The following INTS6 variants were observed in gnomAD, a reference collection of about 807,000 sequenced individuals.
The protein encoded by INTS6 is integrator complex subunit 6.
A neutral mutation model predicts 104.9 loss-of-function variants in INTS6; 16 were observed. The observed-to-expected ratio is 0.15, with a 90% CI of 0.10 to 0.23. INTS6 has a LOEUF of 0.23. INTS6 is among the 10% of genes least tolerant of loss of function. The pLI, the probability that INTS6 is intolerant of heterozygous loss-of-function variation, is 1.00. For missense variants in INTS6, 584 were observed against 1,062.8 expected, an observed-to-expected ratio of 0.55 and a Z score of 6.26; for synonymous variants, 324 against 358.7, an observed-to-expected ratio of 0.90 and a Z score of 1.09.
chr13:51,342,950 G>A, the INTS6 span, among the ~76,000 whole-genome samples: 14 of 152,254 alleles, frequency 9.2e-5, no homozygotes, highest in African/African-American at 3.4e-4. Context: ...GGATTCTCAG[G>A]AGCAGCTTCG....
intron 4 of INTS6, among the ~76,000 whole-genome samples, chr13:51,413,018 A>T (rs1421168166): frequency 1.3e-5 from 2 of 152,210 alleles, no homozygotes; most frequent in African/African-American, 4.8e-5. Context: ...AATTTTATTC[A>T]GGGTCTGAAC....
At chr13:51,415,865 C>T (rs61956951) in intron 4 of INTS6, among the ~76,000 whole-genome samples, 3,608 of 152,086 alleles carry the variant, frequency 0.024, 60 homozygotes, top group South Asian at 0.059. Flanking sequence ...TGTCAGTAAA[C>T]GTGTAAGAAA....
rs1953069550 is a variant in INTS6, at chr13:51,452,097, A to C, written c.112-42T>G. 7 of 1,580,334 alleles carry C rather than the reference A, an allele frequency of 4.4e-6. No individual in the cohort carries two copies. Among genetic ancestry groups the C allele is most frequent in the Non-Finnish European group, 6.1e-6 (7 of 1,154,758 alleles). On this transcript the variant is annotated intron_variant, in intron 1 of 17. Coordinates refer to ENST00000311234, the MANE Select transcript of INTS6 (RefSeq NM_012141.3). The surrounding 1 kb of genome is among the most constrained non-coding windows in gnomAD (Gnocchi z 4.2). Reference sequence around the variant, plus strand: ...GGAACAGGGCGGGCGACAGGGAAGCACAGAGGCGAGGTTACGAGGCGGAGA... The same window carrying C: ...GGAACAGGGCGGGCGACAGGGAAGCCCAGAGGCGAGGTTACGAGGCGGAGA...
chr13:51,361,731 TTAAC>T lies in INTS6; in HGVS notation c.*4017_*4020del, dbSNP rs1431711627. 6 of 1,281,912 alleles carry T rather than the reference TTAAC, an allele frequency of 4.7e-6. No individual in the cohort carries two copies. In the East Asian group the frequency reaches 1.2e-4, roughly 26 times the overall value. 79.4% of individuals were successfully genotyped at this position (1,281,912 alleles called of 1,614,324 possible). ...TAGGATGCTTTGATTTCTTAAAAAA[TTAAC>T]TTACTTCATAACCAATAGTTATTTT... On this transcript the variant is annotated 3_prime_UTR_variant, in exon 18 of 18. Coordinates refer to ENST00000311234, the MANE Select transcript of INTS6 (RefSeq NM_012141.3).
intron 6 of INTS6, 39 bp downstream of exon 6, chr13:51,389,280 A>G (rs1956202933): frequency 6.3e-7 from 1 of 1,598,382 alleles, no homozygotes; most frequent in Non-Finnish European, 8.5e-7. Flanking sequence ...TAAACAATAA[A>G]GCAAGTTTTG....
At chr13:51,353,568 T>A (rs1338472090), downstream of INTS6, among the ~76,000 whole-genome samples, 1 of 152,210 alleles carries the variant, frequency 6.6e-6, no homozygotes, top group Non-Finnish European at 1.5e-5. Flanking sequence ...AACCACTGTT[T>A]CAGCATTTAG....
chr13:51,376,330 C>T (rs936845989), intron 12 of INTS6, among the ~76,000 whole-genome samples, 156 bp from the exon 13 acceptor site: 2 of 151,982 alleles, frequency 1.3e-5, no homozygotes, highest in Non-Finnish European at 1.5e-5. Context: ...CTTAATGTAC[C>T]GGTTCAGGGC....
Position 51,376,699 on chromosome 13 carries a change from T to C in INTS6, c.1603-525A>G, listed in dbSNP as rs193063729. On this transcript the variant is annotated intron_variant, in intron 12 of 17. Transcript: ENST00000311234. ...TTCTTTCTATGCTCCATTTTATAAATGGAATTTTGCAACGTCTAATCTTTT... is the reference window on the plus strand; with the variant it reads ...TTCTTTCTATGCTCCATTTTATAAACGGAATTTTGCAACGTCTAATCTTTT... 4.6e-5 allele frequency among the ~76,000 whole-genome samples: 7 copies of C among 152,316 alleles called. No individual in the cohort carries two copies. In the East Asian group the frequency reaches 7.7e-4, roughly 17 times the overall value.
At chr13:51,433,688 G>C (rs1294105940) in intron 3 of INTS6, among the ~76,000 whole-genome samples, 2 of 152,170 alleles carry the variant, frequency 1.3e-5, no homozygotes, top group Non-Finnish European at 2.9e-5. Context: ...CAGAAAGTCT[G>C]AGTTATTAAA....
chr13:51,404,685 A>G (rs1230004675), intron 4 of INTS6, among the ~76,000 whole-genome samples: 2 of 152,192 alleles, frequency 1.3e-5, no homozygotes, highest in East Asian at 3.8e-4. Context: ...AAGAGATATA[A>G]AAAACTTGAC....
intron 15 of INTS6, 148 bp downstream of exon 15, chr13:51,374,059 AT>A: frequency 1.7e-6 from 1 of 603,436 alleles, no homozygotes; most frequent in East Asian, 2.8e-5. Flanking sequence ...TACAAAAATG[AT>A]TACATGCTCA....
At chr13:51,344,615 A>T in the INTS6 span, 1 of 713,462 alleles carries the variant, frequency 1.4e-6, no homozygotes, top group Non-Finnish European at 2.4e-6. Flanking sequence ...TCCTCTTAGG[A>T]GATCCTACCC....
chr13:51,439,309 A>G (rs1315798526), intron 3 of INTS6: 1 of 152,242 alleles, frequency 6.6e-6, no homozygotes, highest in East Asian at 1.9e-4. Flanking sequence ...CAGGCAATAA[A>G]AAACAGGTTA....
At chr13:51,378,761 A>G (rs1374060836) in intron 11 of INTS6, among the ~76,000 whole-genome samples, 1 of 152,048 alleles carries the variant, frequency 6.6e-6, no homozygotes, top group Non-Finnish European at 1.5e-5. Context: ...CTAAACAAAA[A>G]TGTGTATTCC....
chr13:51,413,353 T>A (rs535709461), intron 4 of INTS6, among the ~76,000 whole-genome samples: 1 of 152,308 alleles, frequency 6.6e-6, no homozygotes, highest in Admixed American at 6.5e-5. Context: ...CACAAGTGTC[T>A]CTAAGTCTTC....
In INTS6 at chr13:51,361,672, ACCC is replaced by A. The variant is rs1955579995; in HGVS notation, c.*4077_*4079del. ...TTTTCTCTTTAATTTTCCCATCTGCACCCCCATCACAACAGTAAACAATCAAAT... is the reference window on the plus strand; with the variant it reads ...TTTTCTCTTTAATTTTCCCATCTGCACCATCACAACAGTAAACAATCAAAT... On this transcript the variant is annotated 3_prime_UTR_variant, in exon 18 of 18. Coordinates refer to ENST00000311234, the MANE Select transcript of INTS6 (RefSeq NM_012141.3). 1.4e-6 allele frequency: 1 copy of A among 722,810 alleles called. No individual in the cohort carries two copies. Among genetic ancestry groups the A allele is most frequent in the African/African-American group, 1.8e-5 (1 of 55,544 alleles). The allele number at this position is 722,810 out of a possible 1,614,324, so 44.8% of individuals were successfully genotyped here. A position where few individuals can be genotyped will look rare whatever the true frequency, so the allele number is the denominator to read the frequency against.
intron 4 of INTS6, among the ~76,000 whole-genome samples, chr13:51,429,387 A>T (rs191675150): frequency 4.6e-5 from 7 of 152,258 alleles, no homozygotes; most frequent in South Asian, 2.1e-4. Flanking sequence ...CCTTAAAATT[A>T]AAAAAATCTA....
chr13:51,450,869 AGTAG>A (rs1317820820), intron 3 of INTS6, 152 bp downstream of exon 3: 1 of 1,258,416 alleles, frequency 7.9e-7, no homozygotes, highest in Non-Finnish European at 1.0e-6. Flanking sequence ...AAATATATAT[AGTAG>A]GGTAAGAGTT....
chr13:51,378,150 A>C lies in INTS6; in HGVS notation c.1602+89T>G, dbSNP rs1414499698. The C allele has an allele frequency of 3.2e-6, 3 of 936,790 alleles. No homozygotes were observed. In the African/African-American group the frequency reaches 4.9e-5, roughly 15 times the overall value. 58.0% of individuals were successfully genotyped at this position (936,790 alleles called of 1,614,324 possible). A position where few individuals can be genotyped will look rare whatever the true frequency, so the allele number is the denominator to read the frequency against. ...CAGAAGTACTCTTTAAAGTCTGGAT[A>C]AACTGAATGTCAGAGTTAACAGAAA... On this transcript the variant is annotated intron_variant, in intron 12 of 17. Coordinates refer to ENST00000311234, the MANE Select transcript of INTS6 (RefSeq NM_012141.3).
Sources: gnomAD v4.1 joint callset for allele counts (sites outside exome capture counted in the v4.1 genomes callset) on GRCh38, gnomAD v4.1.1 for gene constraint, Gnocchi (gnomAD v3.1) non-coding constraint, MANE v1.5 for transcripts, NCBI Gene and HGNC (gene_info 2026-07-23, HGNC 2026-07-21) for gene names.